Variants in MSI2 observed in about 807,000 individuals in gnomAD.
MSI2 encodes musashi RNA binding protein 2, also known as RNA-binding protein Musashi homolog 2.
In MSI2, 17 loss-of-function variants were observed where a neutral mutation model predicts 45.6. That is an observed-to-expected ratio of 0.37 (90% CI 0.26 to 0.56). The LOEUF (loss-of-function observed/expected upper bound fraction) is 0.56. Ranked by LOEUF, MSI2 falls within the 20% of genes least tolerant of loss-of-function variation. The pLI, the probability that MSI2 is intolerant of heterozygous loss-of-function variation, is 0.77. For missense variants in MSI2, 293 were observed against 444.2 expected, an observed-to-expected ratio of 0.66 and a Z score of 3.06; for synonymous variants, 156 against 158.2, an observed-to-expected ratio of 0.99 and a Z score of 0.11.
intron 10 of MSI2, among the ~76,000 whole-genome samples, chr17:57,639,805 C>T (rs1433809461): frequency 6.6e-6 from 1 of 152,190 alleles, no homozygotes; most frequent in African/African-American, 2.4e-5. Flanking sequence ...AACCCAGGAC[C>T]AGCTTTGAAG....
chr17:57,360,901 A>G (rs569741758), intron 5 of MSI2, among the ~76,000 whole-genome samples: 4 of 152,324 alleles, frequency 2.6e-5, no homozygotes, highest in South Asian at 4.2e-4. Flanking sequence ...TAGATGCCAC[A>G]TGGTTAAGGT....
At chr17:57,509,252 C>T (rs2086300051) in intron 6 of MSI2, among the ~76,000 whole-genome samples, 1 of 152,092 alleles carries the variant, frequency 6.6e-6, no homozygotes, top group African/African-American at 2.4e-5. Context: ...AAATTTCAGC[C>T]GTCTAGAGAG....
rs571495949 is a variant in MSI2 at position 57,294,373 on chromosome 17, G to T, written c.312+32181G>T. On this transcript the variant is annotated intron_variant, in intron 5 of 13. Transcript: ENST00000284073. ...AGGCATATCTCAGGGGGCCGTGGCAGATGAACGAGATGTGGCAAAAGCTGG... is the reference window on the plus strand; with the variant it reads ...AGGCATATCTCAGGGGGCCGTGGCATATGAACGAGATGTGGCAAAAGCTGG... Among the ~76,000 whole-genome samples, 10 of 152,310 alleles carry T rather than the reference G, an allele frequency of 6.6e-5. No individual in the cohort carries two copies. In the South Asian group the frequency reaches 2.1e-3, roughly 32 times the overall value.
rs1035810618 is a variant in MSI2, at chr17:57,466,863, A to T, written c.406-62813A>T. Among the ~76,000 whole-genome samples, 3 of 152,258 alleles carry T rather than the reference A, an allele frequency of 2.0e-5. No individual in the cohort carries two copies. In the East Asian group the frequency reaches 5.8e-4, roughly 29 times the overall value. ...AAATCATATTTCAGTTACTGGTCTT[A>T]AGTCAGACCAACTTAAGGTCTGTTT... is the stretch of plus-strand genomic sequence containing the variant. On this transcript the variant is annotated intron_variant, in intron 6 of 13. Coordinates refer to ENST00000284073, the MANE Select transcript of MSI2 (RefSeq NM_138962.4).
rs2084110623 is a variant in MSI2, at chr17:57,407,713, A to G, written c.405+6242A>G. ...GCCCTTCAGACCTTCTTCAACGACAATTGTAGGCTGGACCAGGAAGGACCA... is the reference window on the plus strand; with the variant it reads ...GCCCTTCAGACCTTCTTCAACGACAGTTGTAGGCTGGACCAGGAAGGACCA... On this transcript the variant is annotated intron_variant, in intron 6 of 13. Coordinates refer to ENST00000284073, the MANE Select transcript of MSI2 (RefSeq NM_138962.4). The surrounding 1 kb of genome is among the most constrained non-coding windows in gnomAD (Gnocchi z 4.1). Among the ~76,000 whole-genome samples, 1 of 151,864 alleles carries G rather than the reference A, an allele frequency of 6.6e-6. No homozygotes were observed. Among genetic ancestry groups the G allele is most frequent in the Admixed American group, 6.6e-5 (1 of 15,258 alleles).
chr17:57,380,240 T>G (rs2083576140), intron 5 of MSI2, among the ~76,000 whole-genome samples: 1 of 152,188 alleles, frequency 6.6e-6, no homozygotes, highest in African/African-American at 2.4e-5. Flanking sequence ...GCCCTGCATC[T>G]TAAGCACCTG....
rs1169354666 is a variant in MSI2 at position 57,596,909 on chromosome 17, A to G, written c.496A>G (p.Lys166Glu). 1 of 1,613,658 alleles carries G rather than the reference A, an allele frequency of 6.2e-7. No individual in the cohort carries two copies. The highest frequency in any genetic ancestry group is 1.7e-5 in the Admixed American group (1 of 60,012). Residue 166 changes from lysine to glutamate, a missense_variant, in exon 8 of 14, where the codon AAA becomes GAA. Physicochemically the swap from Lys to Glu is moderately conservative, Grantham distance 56. Transcript: ENST00000284073. This position sits in a 1 kb window ranked among gnomAD's most constrained non-coding sequence, Gnocchi z 4.6. Reference protein sequence around the residue: ...VTFENEDVVEKVCEIHFHEIN... With the variant: ...VTFENEDVVEEVCEIHFHEIN... ...TTTTGAGAATGAAGATGTTGTGGAGAAAGTCTGTGAGATTCATTTCCATGA... is the reference window on the plus strand; with the variant it reads ...TTTTGAGAATGAAGATGTTGTGGAGGAAGTCTGTGAGATTCATTTCCATGA...
intron 11 of MSI2, among the ~76,000 whole-genome samples, chr17:57,657,912 C>T (rs984680459): frequency 8.5e-5 from 13 of 152,232 alleles, no homozygotes; most frequent in African/African-American, 3.1e-4. Flanking sequence ...GCATTTCTAG[C>T]CTTCAGTGGC....
At chr17:57,429,919 C>T (rs1255038470) in intron 6 of MSI2, among the ~76,000 whole-genome samples, 1 of 152,174 alleles carries the variant, frequency 6.6e-6, no homozygotes, top group Non-Finnish European at 1.5e-5. Flanking sequence ...TTGCCCCCAT[C>T]ACTTCCCAAG....
At chr17:57,400,887 G>A (rs1056710115) in intron 5 of MSI2, among the ~76,000 whole-genome samples, 1 of 152,086 alleles carries the variant, frequency 6.6e-6, no homozygotes, top group African/African-American at 2.4e-5. Flanking sequence ...CTCCAGGTGC[G>A]AGGTCAGCGT....
At chr17:57,423,794 C>A (rs1489531319) in intron 6 of MSI2, among the ~76,000 whole-genome samples, 1 of 152,174 alleles carries the variant, frequency 6.6e-6, no homozygotes, top group Admixed American at 6.5e-5. Flanking sequence ...CAAATGAGTT[C>A]TTTCTTTGCG....
intron 5 of MSI2, among the ~76,000 whole-genome samples, chr17:57,295,849 TC>T (rs1215909176): frequency 6.6e-6 from 1 of 152,158 alleles, no homozygotes; most frequent in Admixed American, 6.5e-5. Flanking sequence ...GGCTTTCTGC[TC>T]CCGTCACAAA....
rs898340950 is a variant in MSI2 at position 57,627,676 on chromosome 17, C to T, written c.727+373C>T. ...CTCTACCACCCCTTGCCCGCCTCCC[C>T]GCTCCCTGTGTCCACCTGCCCAATG... On this transcript the variant is annotated intron_variant, in intron 10 of 13. Transcript: ENST00000284073. The surrounding 1 kb of genome is among the most constrained non-coding windows in gnomAD (Gnocchi z 4.6). The T allele has an allele frequency of 1.1e-5, 3 of 279,264 alleles. No homozygotes were observed. The highest frequency in any genetic ancestry group is 2.0e-5 in the Non-Finnish European group (3 of 147,214). The allele number at this position is 279,264 out of a possible 1,614,324, so 17.3% of individuals were successfully genotyped here.
At chr17:57,340,932 G>A (rs960440382) in intron 5 of MSI2, among the ~76,000 whole-genome samples, 2 of 152,184 alleles carry the variant, frequency 1.3e-5, no homozygotes, top group African/African-American at 4.8e-5. Flanking sequence ...CCTGCAGGGA[G>A]CCTCAGCAGG....
intron 6 of MSI2, among the ~76,000 whole-genome samples, chr17:57,514,180 TAGC>T (rs2086418604): frequency 6.6e-6 from 1 of 151,606 alleles, no homozygotes; most frequent in Non-Finnish European, 1.5e-5. Flanking sequence ...TTGAGAGTAA[TAGC>T]GCCTGACAGT....
chr17:57,591,729 C>CAA (rs60682470), intron 7 of MSI2, among the ~76,000 whole-genome samples: 1,035 of 69,458 alleles, frequency 0.015, 15 homozygotes, highest in African/African-American at 0.047. Flanking sequence ...AACCCTGTCT[C>CAA]AAAAAAAAAA....
intron 5 of MSI2, among the ~76,000 whole-genome samples, chr17:57,378,156 G>T (rs554727834): frequency 6.6e-6 from 1 of 151,898 alleles, no homozygotes; most frequent in East Asian, 1.9e-4. Context: ...GTCGTGTCCC[G>T]GGCTGGAGTG....
At chr17:57,474,868 A>G (rs2085508991) in intron 6 of MSI2, among the ~76,000 whole-genome samples, 1 of 151,944 alleles carries the variant, frequency 6.6e-6, no homozygotes, top group Non-Finnish European at 1.5e-5. Flanking sequence ...ACAGGCGTGC[A>G]CCACCACCCC....
the MSI2 span, among the ~76,000 whole-genome samples, chr17:57,695,822 G>A: frequency 2.6e-4 from 40 of 152,186 alleles, no homozygotes; most frequent in Non-Finnish European, 3.7e-4. Flanking sequence ...GGCGCTGACT[G>A]TTCTGGCTTC....
Sources: allele counts gnomAD v4.1 joint callset (sites outside exome capture counted in the v4.1 genomes callset), GRCh38; gene constraint gnomAD v4.1.1; non-coding constraint Gnocchi (gnomAD v3.1); transcripts MANE v1.5; gene names NCBI Gene and HGNC (gene_info 2026-07-23, HGNC 2026-07-21).